The following CAMTA1 variants were observed in gnomAD, a reference collection of about 807,000 sequenced individuals.
CAMTA1 encodes calmodulin-binding transcription activator 1.
CAMTA1 carries 27 observed loss-of-function variants against 170.9 expected under a neutral mutation model. That is an observed-to-expected ratio of 0.16 (90% confidence interval 0.12 to 0.22). The LOEUF (loss-of-function observed/expected upper bound fraction) is 0.22, where lower values mean the gene tolerates loss of function less well. CAMTA1 is among the 10% of genes least tolerant of loss of function. The pLI is 1.00. For missense variants in CAMTA1, 1,619 were observed against 2,217.2 expected (o/e 0.73, Z 5.42); for synonymous variants, 833 against 891.5 (o/e 0.93, Z 1.17).
At chr1:6,789,928 G>A (rs1034974407) in intron 1 of CAMTA1, among the ~76,000 whole-genome samples, 1 of 148,024 alleles carries the variant, frequency 6.8e-6, no homozygotes, top group Non-Finnish European at 1.5e-5. Flanking sequence ...TCTTGCCTCA[G>A]CCTCCCAAGT....
At chr1:6,955,312 ACTC>A (rs1391835587) in intron 3 of CAMTA1, among the ~76,000 whole-genome samples, 1 of 151,536 alleles carries the variant, frequency 6.6e-6, no homozygotes, top group East Asian at 2.0e-4. Context: ...TCACCCCTCC[ACTC>A]CTCTTCCCTG....
At chr1:7,596,006 ACC>A (rs2095396697) in intron 6 of CAMTA1, among the ~76,000 whole-genome samples, 1 of 152,082 alleles carries the variant, frequency 6.6e-6, no homozygotes, top group Non-Finnish European at 1.5e-5. Flanking sequence ...CTTCCTGGGG[ACC>A]CCGGCTTCAG....
chr1:7,602,388 G>A (rs568130737), intron 6 of CAMTA1, among the ~76,000 whole-genome samples: 2 of 152,214 alleles, frequency 1.3e-5, no homozygotes, highest in Admixed American at 1.3e-4. Context: ...TCTTGGGAGA[G>A]TGTATGTGTC....
At chr1:7,142,171 C>G in intron 4 of CAMTA1, 1 of 518,184 alleles carries the variant, frequency 1.9e-6, no homozygotes. Context: ...CTGCCAGCAC[C>G]CTCCCAGGCT....
intron 5 of CAMTA1, among the ~76,000 whole-genome samples, chr1:7,310,363 T>C (rs961026626): frequency 6.6e-6 from 1 of 152,248 alleles, no homozygotes; most frequent in Non-Finnish European, 1.5e-5. Context: ...AGTATTTTTG[T>C]CTTTGCAAGC....
At chr1:6,789,804 C>CTTTTTTTT (rs34542033) in intron 1 of CAMTA1, among the ~76,000 whole-genome samples, 9 of 85,672 alleles carry the variant, frequency 1.1e-4, no homozygotes, top group Admixed American at 1.1e-4. Context: ...TTTAGTGTAT[C>CTTTTTTTT]TTTTTTTTTT....
intron 4 of CAMTA1, among the ~76,000 whole-genome samples, chr1:7,176,810 C>T (rs1343286713): frequency 6.6e-6 from 1 of 152,138 alleles, no homozygotes; most frequent in African/African-American, 2.4e-5. Context: ...CTTGGGCAGG[C>T]CCTGTGACCA....
intron 6 of CAMTA1, among the ~76,000 whole-genome samples, chr1:7,606,718 G>A (rs767477421): frequency 2.0e-5 from 3 of 152,208 alleles, no homozygotes; most frequent in African/African-American, 7.2e-5. Flanking sequence ...GGAACATGGA[G>A]GATGGTTCCC....
chr1:7,033,535 A>G (rs1444991347), intron 3 of CAMTA1, among the ~76,000 whole-genome samples: 1 of 148,428 alleles, frequency 6.7e-6, no homozygotes, highest in African/African-American at 2.5e-5. Flanking sequence ...GATTCCAGAC[A>G]TTATGAATTT....
chr1:7,086,735 G>T (rs1640797420), intron 3 of CAMTA1, among the ~76,000 whole-genome samples: 1 of 152,190 alleles, frequency 6.6e-6, no homozygotes, highest in South Asian at 2.1e-4. Context: ...GTAGTAGCCG[G>T]TATTAGAACC....
rs2093523723 is a variant in CAMTA1 at position 7,481,015 on chromosome 1, C to A, written c.510+13114C>A. Among the ~76,000 whole-genome samples the A allele has an allele frequency of 2.6e-5, 4 of 152,060 alleles. No individual in the cohort carries two copies. In the South Asian group the frequency reaches 8.3e-4, roughly 31 times the overall value. On this transcript the variant is annotated intron_variant, in intron 6 of 22. Transcript: ENST00000303635. Reference sequence around the variant, plus strand: ...CTCGCCGTCATGCAGAGGCTCAAGCCAACCCTCCATTATGCCCCTCTTTCC... The same window carrying A: ...CTCGCCGTCATGCAGAGGCTCAAGCAAACCCTCCATTATGCCCCTCTTTCC...
rs1229962482 is a variant in CAMTA1, at chr1:7,592,969, T to C, written c.511-47431T>C. 1.3e-5 allele frequency among the ~76,000 whole-genome samples: 2 copies of C among 152,200 alleles called. No individual in the cohort carries two copies. The highest frequency in any genetic ancestry group is 2.9e-5 in the Non-Finnish European group (2 of 68,036). On this transcript the variant is annotated intron_variant, in intron 6 of 22. Coordinates refer to ENST00000303635, the MANE Select transcript of CAMTA1 (RefSeq NM_015215.4). The surrounding 1 kb of genome is among the most constrained non-coding windows in gnomAD (Gnocchi z 4.6). ...GAGGAAACTGATGCTCAGAGGCTTA[T>C]TAAGGAATGTGTCCAAGTCCCACAG... is the stretch of plus-strand genomic sequence containing the variant.
intron 4 of CAMTA1, among the ~76,000 whole-genome samples, chr1:7,141,085 G>A (rs559275884): frequency 2.4e-4 from 36 of 152,110 alleles, no homozygotes; most frequent in East Asian, 1.7e-3. Flanking sequence ...AGCTGGACTC[G>A]GCCCCTCTGC....
intron 11 of CAMTA1, among the ~76,000 whole-genome samples, chr1:7,724,545 T>G (rs1189051399): frequency 2.0e-5 from 3 of 152,086 alleles, no homozygotes; most frequent in African/African-American, 7.2e-5. Context: ...AAAGATTGCA[T>G]GTATGGGCCG....
At chr1:7,420,663 A>G (rs2091501920) in intron 5 of CAMTA1, among the ~76,000 whole-genome samples, 1 of 152,126 alleles carries the variant, frequency 6.6e-6, no homozygotes, top group African/African-American at 2.4e-5. Flanking sequence ...TCTCCTGGAA[A>G]TCCATGCGTA....
intron 4 of CAMTA1, among the ~76,000 whole-genome samples, chr1:7,164,239 C>T (rs1647894932): frequency 6.6e-6 from 1 of 152,216 alleles, no homozygotes; most frequent in Admixed American, 6.5e-5. Context: ...TGACTAAGAG[C>T]CTCCAGGATC....
At chr1:7,740,960 G>C (rs917302283) in intron 16 of CAMTA1, among the ~76,000 whole-genome samples, 2 of 152,154 alleles carry the variant, frequency 1.3e-5, no homozygotes, top group Non-Finnish European at 2.9e-5. Flanking sequence ...TAAAAATAAT[G>C]AAATAATTTT....
chr1:7,375,555 C>T (rs1039923815), intron 5 of CAMTA1, among the ~76,000 whole-genome samples: 2 of 152,188 alleles, frequency 1.3e-5, no homozygotes, highest in Non-Finnish European at 2.9e-5. Flanking sequence ...GACCAACACC[C>T]GTGGGGACAG....
At chr1:7,085,903 G>A (rs1640673726) in intron 3 of CAMTA1, among the ~76,000 whole-genome samples, 1 of 152,202 alleles carries the variant, frequency 6.6e-6, no homozygotes, top group African/African-American at 2.4e-5. Context: ...GTGTGACCAG[G>A]CAGTGACACC....
Sources: allele counts gnomAD v4.1 joint callset (sites outside exome capture counted in the v4.1 genomes callset), GRCh38; gene constraint gnomAD v4.1.1; non-coding constraint Gnocchi (gnomAD v3.1); transcripts MANE v1.5; gene names NCBI Gene and HGNC (gene_info 2026-07-23, HGNC 2026-07-21).